NR3C1: variants seen among roughly 807,000 people sequenced by gnomAD.
NR3C1 encodes the protein nuclear receptor subfamily 3 group C member 1.
A neutral mutation model predicts 74.0 loss-of-function variants in NR3C1; 14 were observed. The ratio of observed to expected loss-of-function variants is 0.19; its 90% confidence interval spans 0.12 to 0.30. The LOEUF is 0.30. NR3C1 is among the 10% of genes least tolerant of loss of function. The pLI is 1.00. For synonymous variants in NR3C1, 308 were observed against 332.5 expected (o/e 0.93, Z 0.80); for missense variants, 695 against 909.8 (o/e 0.76, Z 3.04).
intron 7 of NR3C1, 91 bp downstream of exon 7, chr5:143,295,369 A>G (rs1816956985): frequency 6.6e-7 from 1 of 1,521,024 alleles, no homozygotes; most frequent in South Asian, 1.2e-5. Flanking sequence ...GACTTGGTAT[A>G]ATTATTAGTA....
chr5:143,369,743 A>G lies in NR3C1; in HGVS notation c.1184+29913T>C, dbSNP rs144031566. ...AGCCCTGACAGCAAAGAATTATCCA[A>G]TCAAAAATGTCAATAGTCCAGAGGT... is the stretch of plus-strand genomic sequence containing the variant. On this transcript the variant is annotated intron_variant, in intron 2 of 8. Transcript: ENST00000394464. Among the ~76,000 whole-genome samples the G allele has an allele frequency of 2.1e-3, 326 of 152,346 alleles. 7 individuals are homozygous for G. The East Asian group carries it at 0.05, about 23-fold the overall frequency.
Position 143,400,674 on chromosome 5 carries a change from A to T in NR3C1, c.166T>A (p.Ser56Thr). Residue 56 changes from serine to threonine, a missense_variant, in exon 2 of 9, where the codon TCC (serine) becomes ACC (threonine). Transcript: ENST00000394464. ...PSLAVASQSD[S>T]KQRRLLVDFP... ...TCAACCAAAAGTCTTCGCTGCTTGG[A>T]GTCTGATTGAGAAGCGACAGCCAGT... is the stretch of plus-strand genomic sequence containing the variant. 6.2e-7 allele frequency: 1 copy of T among 1,614,030 alleles called. No homozygotes were observed.
At chr5:143,401,272 G>T (rs551406757) in intron 1 of NR3C1, 9 of 231,270 alleles carry the variant, frequency 3.9e-5, no homozygotes, top group Non-Finnish European at 6.1e-5. Flanking sequence ...TTTCAATCAC[G>T]GCTGTTTGCT....
At chr5:143,432,839 C>A (rs770951871) in intron 1 of NR3C1, among the ~76,000 whole-genome samples, 1 of 152,122 alleles carries the variant, frequency 6.6e-6, no homozygotes, top group African/African-American at 2.4e-5. Flanking sequence ...CTCCTCCCAC[C>A]GGGATCCTCT....
intron 2 of NR3C1, among the ~76,000 whole-genome samples, chr5:143,331,318 T>G (rs1188372113): frequency 6.6e-6 from 1 of 152,216 alleles, no homozygotes; most frequent in Non-Finnish European, 1.5e-5. Context: ...AGGGAAATGC[T>G]TATACACTCC....
At chr5:143,363,544 G>C (rs1227317504) in intron 2 of NR3C1, among the ~76,000 whole-genome samples, 1 of 151,144 alleles carries the variant, frequency 6.6e-6, no homozygotes, top group Non-Finnish European at 1.5e-5. Flanking sequence ...CTGCACTCCA[G>C]CCTGGGTGAC....
In NR3C1 at chr5:143,310,169, C is replaced by T. The variant is rs775085616; in HGVS notation, c.1396G>A (p.Asp466Asn). ...LCAGRNDCIIDKIRRKNCPAC... is the reference protein window; with the variant it reads ...LCAGRNDCIINKIRRKNCPAC... ...GGGCAGTTTTTTCTTCGAATTTTAT[C>T]GATGATGCAATCATTCCTTCCAGCA... The change falls in exon 4 of 9, where the codon GAT becomes AAT. Residue 466 changes from aspartate to asparagine, a missense_variant. By Grantham distance (23) the Asp-to-Asn change is conservative. Coordinates refer to ENST00000394464, the MANE Select transcript of NR3C1 (RefSeq NM_000176.3). 6.2e-7 allele frequency: 1 copy of T among 1,613,862 alleles called. No individual in the cohort carries two copies. Among genetic ancestry groups the T allele is most frequent in the South Asian group, 1.1e-5 (1 of 91,062 alleles).
At chr5:143,398,661 C>T (rs1041112725) in intron 2 of NR3C1, among the ~76,000 whole-genome samples, 13 of 152,062 alleles carry the variant, frequency 8.5e-5, no homozygotes, top group Admixed American at 7.9e-4. Flanking sequence ...TGTGTCACTA[C>T]AATCCACATT....
chr5:143,365,816 G>A (rs1833079528), intron 2 of NR3C1, among the ~76,000 whole-genome samples: 1 of 152,144 alleles, frequency 6.6e-6, no homozygotes, highest in South Asian at 2.1e-4. Flanking sequence ...TCTCGGACCA[G>A]AATGGAATGA....
intron 4 of NR3C1, among the ~76,000 whole-genome samples, chr5:143,302,095 C>G (rs576251033): frequency 6.6e-6 from 1 of 152,216 alleles, no homozygotes; most frequent in African/African-American, 2.4e-5. Context: ...AGTCCTGGTT[C>G]TGCCATGTTG....
chr5:143,414,288 T>A (rs752218603), intron 1 of NR3C1, among the ~76,000 whole-genome samples: 1 of 152,176 alleles, frequency 6.6e-6, no homozygotes, highest in Non-Finnish European at 1.5e-5. Flanking sequence ...AACAATATGA[T>A]GGGTATAGGC....
Position 143,435,256 on chromosome 5 carries a change from C to T in NR3C1, c.-738G>A, listed in dbSNP as rs1002542336. The stretch of plus-strand genomic sequence containing the variant: ...CTCATGCCCCAGTGCTTCCGTTGGA[C>T]ACATGCGCATTTTACGGTCCTGCAG... On this transcript the variant is annotated 5_prime_UTR_variant, in exon 1 of 9. Coordinates refer to the NR3C1 transcript ENST00000343796. 18 of 985,328 alleles carry T rather than the reference C, an allele frequency of 1.8e-5. No homozygotes were observed. In the African/African-American group the frequency reaches 2.6e-4, roughly 14 times the overall value. 61.0% of individuals were successfully genotyped at this position (985,328 alleles called of 1,614,324 possible). A position where few individuals can be genotyped will look rare whatever the true frequency, so the allele number is the denominator to read the frequency against.
intron 7 of NR3C1, chr5:143,294,231 A>T: frequency 1.0e-6 from 1 of 985,150 alleles, no homozygotes; most frequent in Non-Finnish European, 1.2e-6. Context: ...GGCAACTATG[A>T]AACCACAGTT....
At chr5:143,415,767 G>C (rs904596357) in intron 1 of NR3C1, among the ~76,000 whole-genome samples, 5 of 152,012 alleles carry the variant, frequency 3.3e-5, no homozygotes, top group Non-Finnish European at 7.4e-5. Context: ...TTATAGAATT[G>C]AAATTTCTCA....
intron 2 of NR3C1, among the ~76,000 whole-genome samples, chr5:143,328,155 C>G (rs1825058061): frequency 6.6e-6 from 1 of 152,262 alleles, no homozygotes; most frequent in Non-Finnish European, 1.5e-5. Context: ...AGGCCCAACA[C>G]CACGTGAAAG....
chr5:143,360,192 T>C (rs1432220531), intron 2 of NR3C1, among the ~76,000 whole-genome samples: 1 of 152,226 alleles, frequency 6.6e-6, no homozygotes, highest in Admixed American at 6.5e-5. Context: ...AGAATAATTA[T>C]CTAAAATGTT....
chr5:143,283,635 C>A (rs1813623650), intron 7 of NR3C1, among the ~76,000 whole-genome samples: 1 of 152,036 alleles, frequency 6.6e-6, no homozygotes, highest in South Asian at 2.1e-4. Context: ...TAGTAGGGAG[C>A]AAATATCTGT....
chr5:143,365,658 C>T (rs1408482523), intron 2 of NR3C1, among the ~76,000 whole-genome samples: 1 of 152,126 alleles, frequency 6.6e-6, no homozygotes, highest in Non-Finnish European at 1.5e-5. Context: ...GAACTATGTA[C>T]CAACACACCT....
intron 7 of NR3C1, among the ~76,000 whole-genome samples, chr5:143,286,140 G>C (rs1203796771): frequency 6.6e-6 from 1 of 152,034 alleles, no homozygotes; most frequent in African/African-American, 2.4e-5. Context: ...TTCCTTCAAA[G>C]ATGTAAACCA....
Sources: gnomAD v4.1 joint callset for allele counts (sites outside exome capture counted in the v4.1 genomes callset) on GRCh38, gnomAD v4.1.1 for gene constraint, MANE v1.5 for transcripts, NCBI Gene and HGNC (gene_info 2026-07-23, HGNC 2026-07-21) for gene names.